STARD13: variants seen among roughly 807,000 people sequenced by gnomAD.
STARD13 encodes stAR-related lipid transfer protein 13.
Under a neutral mutation model 106.4 loss-of-function variants are expected in STARD13, and 62 were observed. The ratio of observed to expected loss-of-function variants is 0.58; its 90% CI spans 0.48 to 0.72. The LOEUF is 0.72. STARD13 is among the 30% of genes least tolerant of loss of function. The probability of loss-of-function intolerance (pLI) is 0.00; values close to 1 mark genes in which losing one functional copy is unlikely to be tolerated. For missense variants in STARD13, 1,387 were observed against 1,424.0 expected (o/e 0.97, Z 0.42); for synonymous variants, 565 against 553.0 (o/e 1.02, Z -0.31).
At chr13:33,119,347 A>G (rs962577961) in intron 7 of STARD13, among the ~76,000 whole-genome samples, 2 of 152,182 alleles carry the variant, frequency 1.3e-5, no homozygotes, top group Non-Finnish European at 2.9e-5. Flanking sequence ...AAAGCAAGGT[A>G]GAACCTTCCT....
the STARD13 span, among the ~76,000 whole-genome samples, chr13:33,635,647 A>G: frequency 6.7e-6 from 1 of 150,062 alleles, no homozygotes; most frequent in African/African-American, 2.5e-5. Context: ...TGGGCGAGAG[A>G]GCAAGACTCC....
At chr13:33,116,154 T>C (rs1370035830) in intron 8 of STARD13, among the ~76,000 whole-genome samples, 3 of 152,162 alleles carry the variant, frequency 2.0e-5, no homozygotes, top group Non-Finnish European at 4.4e-5. Flanking sequence ...TTTTTCAGTG[T>C]CATTTGGTGT....
chr13:33,504,876 G>A, the STARD13 span, among the ~76,000 whole-genome samples: 1 of 152,134 alleles, frequency 6.6e-6, no homozygotes, highest in East Asian at 1.9e-4. Context: ...ATTACACCAC[G>A]AAGATGGCAG....
At chr13:33,327,768 A>G (rs967417134) in intron 1 of STARD13, among the ~76,000 whole-genome samples, 1 of 152,252 alleles carries the variant, frequency 6.6e-6, no homozygotes, top group Non-Finnish European at 1.5e-5. Flanking sequence ...AATACATGGT[A>G]AAGGTGCTAC....
At chr13:33,569,632 A>G in the STARD13 span, among the ~76,000 whole-genome samples, 6 of 147,724 alleles carry the variant, frequency 4.1e-5, no homozygotes, top group African/African-American at 1.5e-4. Context: ...ATCAGAAGAA[A>G]GAAGGTTAAA....
chr13:33,120,118 T>G (rs1489078524), intron 7 of STARD13, among the ~76,000 whole-genome samples: 1 of 152,244 alleles, frequency 6.6e-6, no homozygotes, highest in Non-Finnish European at 1.5e-5. Flanking sequence ...TCAGTGTGAC[T>G]CACAAATATT....
At chr13:33,538,206 T>C in the STARD13 span, among the ~76,000 whole-genome samples, 1 of 152,148 alleles carries the variant, frequency 6.6e-6, no homozygotes, top group African/African-American at 2.4e-5. Context: ...GAGGGCAAGA[T>C]CCCGAAGAAG....
chr13:33,344,405 C>T (rs1187183469), downstream of STARD13, among the ~76,000 whole-genome samples: 1 of 152,142 alleles, frequency 6.6e-6, no homozygotes, highest in East Asian at 1.9e-4. Flanking sequence ...GTCAATTCTA[C>T]ACAGAAAAGT....
At chr13:33,349,360 C>T (rs569043358) in intron 1 of STARD13, 1 of 649,632 alleles carries the variant, frequency 1.5e-6, no homozygotes, top group East Asian at 2.7e-5. Context: ...CCTGCACTGC[C>T]CAGGAACTGT....
the STARD13 span, among the ~76,000 whole-genome samples, chr13:33,444,971 A>T: frequency 1.3e-5 from 2 of 152,200 alleles, no homozygotes; most frequent in Admixed American, 1.3e-4. Context: ...TTTTGAAACA[A>T]ATGTACCCAG....
At chr13:33,395,865 G>A in the STARD13 span, among the ~76,000 whole-genome samples, 4 of 152,046 alleles carry the variant, frequency 2.6e-5, no homozygotes, top group South Asian at 2.1e-4. Context: ...TTTTAAAGAC[G>A]GGGGTCTCAT....
At chr13:33,530,195 C>A in the STARD13 span, among the ~76,000 whole-genome samples, 1 of 151,378 alleles carries the variant, frequency 6.6e-6, no homozygotes, top group Non-Finnish European at 1.5e-5. Context: ...GAGAAGCACA[C>A]AAAACAGATT....
chr13:33,260,521 GA>G (rs917977959), intron 1 of STARD13, among the ~76,000 whole-genome samples: 5 of 152,272 alleles, frequency 3.3e-5, no homozygotes, highest in Admixed American at 1.3e-4. Flanking sequence ...CTGTTACTGT[GA>G]ACAAAGGTTC....
chr13:33,473,757 C>T, the STARD13 span, among the ~76,000 whole-genome samples: 1 of 152,290 alleles, frequency 6.6e-6, no homozygotes, highest in South Asian at 2.1e-4. Context: ...CCACTGCCAG[C>T]CCTAACCATG....
chr13:33,379,140 A>G, the STARD13 span, among the ~76,000 whole-genome samples: 1 of 152,302 alleles, frequency 6.6e-6, no homozygotes, highest in Non-Finnish European at 1.5e-5. Flanking sequence ...GTGATCTGAC[A>G]TGTAGTGTAC....
chr13:33,142,792 T>C (rs1880009344), intron 3 of STARD13, among the ~76,000 whole-genome samples: 1 of 152,226 alleles, frequency 6.6e-6, no homozygotes, highest in South Asian at 2.1e-4. Flanking sequence ...CTCAGGTGGT[T>C]GGGTATAGGT....
chr13:33,571,340 T>C, the STARD13 span, among the ~76,000 whole-genome samples: 3 of 152,206 alleles, frequency 2.0e-5, no homozygotes, highest in African/African-American at 7.2e-5. Flanking sequence ...ATCCATAAAA[T>C]TAGTATCTCA....
chr13:33,601,649 C>T, the STARD13 span, among the ~76,000 whole-genome samples: 1 of 152,152 alleles, frequency 6.6e-6, no homozygotes, highest in South Asian at 2.1e-4. Flanking sequence ...CCAAAGTTAC[C>T]CAGTTCCCAA....
chr13:33,121,027 C>T (rs746966255), intron 7 of STARD13, among the ~76,000 whole-genome samples: 5 of 152,170 alleles, frequency 3.3e-5, no homozygotes, highest in East Asian at 1.9e-4. Context: ...AGGTGTGAGC[C>T]GCCATGGCTG....
Sources: gnomAD v4.1 joint callset for allele counts (sites outside exome capture counted in the v4.1 genomes callset) on GRCh38, gnomAD v4.1.1 for gene constraint, MANE v1.5 for transcripts, NCBI Gene and HGNC (gene_info 2026-07-23, HGNC 2026-07-21) for gene names.